STXBP5L: variants seen among roughly 807,000 people sequenced by gnomAD.
STXBP5L encodes syntaxin-binding protein 5-like.
A neutral mutation model predicts 144.5 loss-of-function variants in STXBP5L; 65 were observed. The observed-to-expected ratio is 0.45, with a 90% CI of 0.37 to 0.55. The LOEUF (loss-of-function observed/expected upper bound fraction) is 0.55, where lower values mean the gene tolerates loss of function less well. Ranked by LOEUF, STXBP5L falls within the 20% of genes least tolerant of loss-of-function variation. STXBP5L has a pLI of 0.00. For synonymous variants in STXBP5L, 505 were observed against 469.6 expected, an observed-to-expected ratio of 1.08 and a Z score of -0.97; for missense variants, 1,298 against 1,405.5, an observed-to-expected ratio of 0.92 and a Z score of 1.22.
At chr3:121,385,206 A>C (rs189371505) in intron 22 of STXBP5L, among the ~76,000 whole-genome samples, 61 of 152,258 alleles carry the variant, frequency 4.0e-4, no homozygotes, top group South Asian at 1.5e-3. Context: ...TAATTGGCTA[A>C]TAGCTCTTCA....
At chr3:121,374,029 C>T (rs2108667242) in intron 20 of STXBP5L, among the ~76,000 whole-genome samples, 1 of 152,272 alleles carries the variant, frequency 6.6e-6, no homozygotes, top group East Asian at 1.9e-4. Flanking sequence ...GCATGTGCCC[C>T]CCAGGGAACC....
intron 20 of STXBP5L, among the ~76,000 whole-genome samples, chr3:121,366,904 T>C (rs2045879960): frequency 6.6e-6 from 1 of 152,092 alleles, no homozygotes; most frequent in Non-Finnish European, 1.5e-5. Context: ...CATTTCCTAT[T>C]GGTATATTTT....
intron 5 of STXBP5L, among the ~76,000 whole-genome samples, chr3:121,052,256 A>G (rs1406962586): frequency 5.9e-5 from 9 of 151,980 alleles, no homozygotes; most frequent in Non-Finnish European, 1.2e-4. Flanking sequence ...CCTGGCATCC[A>G]GGCTTTGATA....
At chr3:120,974,936 G>A (rs1303843033) in intron 3 of STXBP5L, among the ~76,000 whole-genome samples, 1 of 152,086 alleles carries the variant, frequency 6.6e-6, no homozygotes, top group African/African-American at 2.4e-5. Context: ...TGCTGTTTTG[G>A]TTACTTTAGC....
chr3:120,991,065 T>G (rs574975297), intron 3 of STXBP5L, among the ~76,000 whole-genome samples: 1,693 of 151,846 alleles, frequency 0.011, 14 homozygotes, highest in Non-Finnish European at 0.017. Flanking sequence ...GGGAGAAAAT[T>G]TTTGCAATCT....
At chr3:120,972,841 T>TTTAGG (rs1288279802) in intron 3 of STXBP5L, among the ~76,000 whole-genome samples, 1 of 152,174 alleles carries the variant, frequency 6.6e-6, no homozygotes, top group Non-Finnish European at 1.5e-5. Context: ...AGTTTTTATG[T>TTTAGG]TTTTAATTCA....
At chr3:121,117,834 C>G (rs2044297923) in intron 6 of STXBP5L, among the ~76,000 whole-genome samples, 1 of 151,394 alleles carries the variant, frequency 6.6e-6, no homozygotes, top group African/African-American at 2.4e-5. Context: ...TATTTGGAAC[C>G]TGGGACAAAT....
chr3:121,414,341 G>A (rs999255665), intron 24 of STXBP5L, among the ~76,000 whole-genome samples: 1 of 152,024 alleles, frequency 6.6e-6, no homozygotes, highest in African/African-American at 2.4e-5. Flanking sequence ...GGTTGATGGA[G>A]CAGAAGGGAG....
intron 9 of STXBP5L, among the ~76,000 whole-genome samples, chr3:121,198,144 C>T (rs2047995012): frequency 6.6e-6 from 1 of 152,160 alleles, no homozygotes; most frequent in South Asian, 2.1e-4. Flanking sequence ...TATTCACAGA[C>T]TCACCAGCGT....
At chr3:121,324,371 G>T in intron 20 of STXBP5L, 1 of 541,968 alleles carries the variant, frequency 1.8e-6, no homozygotes, top group Non-Finnish European at 3.2e-6. Flanking sequence ...TTTAGATAAG[G>T]ATACAAAATG....
At chr3:121,222,807 G>A (rs956220659) in intron 10 of STXBP5L, among the ~76,000 whole-genome samples, 196 bp from the exon 11 acceptor site, 21 of 152,276 alleles carry the variant, frequency 1.4e-4, no homozygotes, top group African/African-American at 5.1e-4. Flanking sequence ...TAAATTTAAT[G>A]TGAGAATGTA....
At chr3:121,354,566 T>C (rs115866681) in intron 20 of STXBP5L, among the ~76,000 whole-genome samples, 1 of 139,256 alleles carries the variant, frequency 7.2e-6, no homozygotes. Flanking sequence ...CTCTATCCCT[T>C]TATTTTTAGC....
rs571076637 is a variant in STXBP5L at position 121,319,878 on chromosome 3, A to C, written c.2176+1338A>C. 2.0e-5 allele frequency among the ~76,000 whole-genome samples: 3 copies of C among 152,286 alleles called. No individual in the cohort carries two copies. In the East Asian group the frequency reaches 5.8e-4, roughly 29 times the overall value. ...ATGCCTGTAATCCCAGCACTTTGGGAGGCCAAGGGGGGAGGATCACTTGAG... is the reference window on the plus strand; with the variant it reads ...ATGCCTGTAATCCCAGCACTTTGGGCGGCCAAGGGGGGAGGATCACTTGAG... On this transcript the variant is annotated intron_variant, in intron 20 of 26. Coordinates refer to ENST00000471454, the MANE Select transcript of STXBP5L (RefSeq NM_001308330.2).
intron 19 of STXBP5L, among the ~76,000 whole-genome samples, chr3:121,296,721 G>T (rs185491215): frequency 6.6e-6 from 1 of 152,138 alleles, no homozygotes; most frequent in African/African-American, 2.4e-5. Context: ...GAAAGGAATA[G>T]AAAATAGCCA....
intron 20 of STXBP5L, among the ~76,000 whole-genome samples, chr3:121,334,409 T>A (rs2044430398): frequency 6.6e-6 from 1 of 151,524 alleles, no homozygotes; most frequent in Non-Finnish European, 1.5e-5. Context: ...GTCAGCATCA[T>A]CCTGATATCA....
intron 20 of STXBP5L, among the ~76,000 whole-genome samples, chr3:121,338,607 AAAGAGAG>A (rs1385982419): frequency 8.1e-5 from 12 of 148,260 alleles, no homozygotes; most frequent in African/African-American, 1.8e-4. Flanking sequence ...AAAAAAAAAA[AAAGAGAG>A]AAAGAGAGAA....
At chr3:121,055,695 A>T (rs1216205379) in intron 5 of STXBP5L, among the ~76,000 whole-genome samples, 1 of 149,238 alleles carries the variant, frequency 6.7e-6, no homozygotes, top group African/African-American at 2.5e-5. Flanking sequence ...TAAAGTAGAG[A>T]TGGTTTCTTA....
intron 20 of STXBP5L, among the ~76,000 whole-genome samples, chr3:121,340,173 C>A (rs1434617213): frequency 6.6e-6 from 1 of 152,008 alleles, no homozygotes; most frequent in Non-Finnish European, 1.5e-5. Context: ...GCTGTAGTAA[C>A]CAGAACAAGA....
intron 20 of STXBP5L, among the ~76,000 whole-genome samples, chr3:121,377,699 T>C (rs2046224935): frequency 6.6e-6 from 1 of 152,110 alleles, no homozygotes; most frequent in South Asian, 2.1e-4. Flanking sequence ...TGTGGAGAAA[T>C]AGAAAACTTT....
Sources: gnomAD v4.1 joint callset for allele counts (sites outside exome capture counted in the v4.1 genomes callset) on GRCh38, gnomAD v4.1.1 for gene constraint, MANE v1.5 for transcripts, NCBI Gene and HGNC (gene_info 2026-07-23, HGNC 2026-07-21) for gene names.